PSD3: variants seen among roughly 807,000 people sequenced by gnomAD.
PSD3 encodes the protein pleckstrin and Sec7 domain containing 3.
PSD3 carries 49 observed loss-of-function variants against 105.5 expected under a neutral mutation model. That is an observed-to-expected ratio of 0.46 (90% CI 0.37 to 0.59). PSD3 has a LOEUF of 0.59. PSD3 is among the 20% of genes least tolerant of loss of function. The pLI, the probability that PSD3 is intolerant of heterozygous loss-of-function variation, is 0.00. For missense variants in PSD3, 1,561 were observed against 1,263.8 expected (o/e 1.24, Z -3.57); for synonymous variants, 557 against 457.8 (o/e 1.22, Z -2.77).
intron 1 of PSD3, among the ~76,000 whole-genome samples, chr8:18,985,412 A>G (rs7000856): frequency 6.6e-6 from 1 of 152,186 alleles, no homozygotes; most frequent in Non-Finnish European, 1.5e-5. Context: ...TAAGAATACA[A>G]TCACTGTCCT....
chr8:18,732,534 A>G (rs1268815258), intron 9 of PSD3, among the ~76,000 whole-genome samples: 1 of 152,244 alleles, frequency 6.6e-6, no homozygotes, highest in Non-Finnish European at 1.5e-5. Flanking sequence ...AAGATGCCCC[A>G]GTCCAATGTA....
chr8:19,074,611 A>ATATATATTT (rs1324257417), intron 1 of PSD3, among the ~76,000 whole-genome samples: 16 of 24,182 alleles, frequency 6.6e-4, no homozygotes, highest in South Asian at 1.5e-3. Context: ...ATATATATAT[A>ATATATATTT]TTTTTTTTTT....
At chr8:18,927,362 C>T (rs771350202) in intron 2 of PSD3, among the ~76,000 whole-genome samples, 12 of 152,044 alleles carry the variant, frequency 7.9e-5, no homozygotes, top group Non-Finnish European at 1.2e-4. Flanking sequence ...TACAGGTTCA[C>T]GCCACCATGC....
intron 2 of PSD3, among the ~76,000 whole-genome samples, chr8:18,933,234 G>A (rs1406304634): frequency 6.6e-6 from 1 of 152,132 alleles, no homozygotes; most frequent in African/African-American, 2.4e-5. Flanking sequence ...GTTTGCCTCG[G>A]CTATGATATA....
chr8:19,014,918 A>G (rs1827127966), upstream of PSD3, among the ~76,000 whole-genome samples: 2 of 152,200 alleles, frequency 1.3e-5, no homozygotes, highest in Admixed American at 1.3e-4. The surrounding 1 kb of genome is among the most constrained non-coding windows in gnomAD (Gnocchi z 4.9). Flanking sequence ...GTATGCCTTT[A>G]TACAAATTCA....
intron 2 of PSD3, among the ~76,000 whole-genome samples, chr8:18,925,032 A>G (rs988954932): frequency 3.9e-5 from 6 of 152,358 alleles, no homozygotes; most frequent in Admixed American, 6.5e-5. Flanking sequence ...GAAGAAAGTG[A>G]AAACATAACG....
At chr8:18,980,911 T>C (rs1825217570) in intron 1 of PSD3, among the ~76,000 whole-genome samples, 1 of 152,202 alleles carries the variant, frequency 6.6e-6, no homozygotes, top group African/African-American at 2.4e-5. Flanking sequence ...CAGCTTCTGA[T>C]CGCTGGTCTT....
intron 11 of PSD3, among the ~76,000 whole-genome samples, chr8:18,613,280 A>T (rs1805407592): frequency 6.6e-6 from 1 of 152,074 alleles, no homozygotes; most frequent in Non-Finnish European, 1.5e-5. Context: ...ATTCTTTCTG[A>T]ATAACGCCCA....
intron 12 of PSD3, among the ~76,000 whole-genome samples, chr8:18,576,000 C>G (rs1005436202): frequency 3.9e-5 from 6 of 152,224 alleles, no homozygotes; most frequent in Non-Finnish European, 7.4e-5. Context: ...AACATGCATT[C>G]TGTAAAACAC....
intron 8 of PSD3, chr8:18,774,733 G>C (rs1243145073): frequency 8.3e-6 from 3 of 362,722 alleles, no homozygotes; most frequent in African/African-American, 4.3e-5. Context: ...TTCTGAGTTT[G>C]GCTAATGACG....
At chr8:18,975,595 T>C (rs924378365) in intron 1 of PSD3, among the ~76,000 whole-genome samples, 3 of 152,224 alleles carry the variant, frequency 2.0e-5, no homozygotes, top group African/African-American at 7.2e-5. Context: ...TGACTTATGA[T>C]AGTAAATTAA....
intron 4 of PSD3, among the ~76,000 whole-genome samples, chr8:18,861,409 C>T (rs1192597333): frequency 2.0e-5 from 3 of 152,166 alleles, no homozygotes; most frequent in Non-Finnish European, 2.9e-5. Context: ...ACCACAGCTG[C>T]AAGTCTTACA....
chr8:18,648,305 G>C (rs190668788), intron 10 of PSD3, among the ~76,000 whole-genome samples: 1 of 152,316 alleles, frequency 6.6e-6, no homozygotes, highest in African/African-American at 2.4e-5. Context: ...ATAAAGTCCA[G>C]GCTGTGGAGG....
chr8:18,775,594 C>CATCTA (rs1300199722), intron 8 of PSD3, among the ~76,000 whole-genome samples: 5 of 152,126 alleles, frequency 3.3e-5, no homozygotes, highest in Non-Finnish European at 7.4e-5. Context: ...TAACACTGAA[C>CATCTA]ATCTATTCAT....
At chr8:18,588,742 T>A (rs962966821) in intron 12 of PSD3, among the ~76,000 whole-genome samples, 2 of 152,172 alleles carry the variant, frequency 1.3e-5, no homozygotes, top group Non-Finnish European at 2.9e-5. Flanking sequence ...TACAAAGTTG[T>A]TCCCTTGTCA....
At chr8:18,797,316 C>T (rs1183033621) in intron 8 of PSD3, among the ~76,000 whole-genome samples, 1 of 152,132 alleles carries the variant, frequency 6.6e-6, no homozygotes, top group African/African-American at 2.4e-5. Flanking sequence ...ATAATTTTCT[C>T]CCTCTTCTAT....
At chr8:19,020,156 A>G (rs1223783252) in intron 1 of PSD3, among the ~76,000 whole-genome samples, 1 of 152,252 alleles carries the variant, frequency 6.6e-6, no homozygotes, top group Non-Finnish European at 1.5e-5. Context: ...GCGGAGCACA[A>G]AGCATCCCTT....
intron 4 of PSD3, among the ~76,000 whole-genome samples, chr8:18,821,626 C>A (rs1473727780): frequency 6.6e-6 from 1 of 151,438 alleles, no homozygotes; most frequent in African/African-American, 2.4e-5. Context: ...AATTCAAACA[C>A]TGCTGCAGAT....
At chr8:19,023,805 T>G (rs1182929911) in intron 1 of PSD3, among the ~76,000 whole-genome samples, 1 of 152,132 alleles carries the variant, frequency 6.6e-6, no homozygotes, top group Non-Finnish European at 1.5e-5. Context: ...CAGCACTGCT[T>G]CACAGTCTTT....
Sources: gnomAD v4.1 joint callset for allele counts (sites outside exome capture counted in the v4.1 genomes callset) on GRCh38, gnomAD v4.1.1 for gene constraint, Gnocchi (gnomAD v3.1) non-coding constraint, MANE v1.5 for transcripts, NCBI Gene and HGNC (gene_info 2026-07-23, HGNC 2026-07-21) for gene names.